Variants in RFLNA observed in about 807,000 individuals in gnomAD.
RFLNA encodes the protein refilin A, also known as refilin-A.
Under a neutral mutation model 7.8 loss-of-function variants are expected in RFLNA, and 5 were observed. The ratio of observed to expected loss-of-function variants is 0.64; its 90% CI spans 0.34 to 1.35. The LOEUF (loss-of-function observed/expected upper bound fraction) is 1.35, where lower values mean the gene tolerates loss of function less well. Among genes scored for constraint, RFLNA ranks in the 40% most tolerant of loss-of-function variants. The pLI is 0.04. For missense variants in RFLNA, 278 were observed against 305.5 expected (o/e 0.91, Z 0.67); for synonymous variants, 141 against 131.3 (o/e 1.07, Z -0.50).
At chr12:124,304,095 C>T (rs2034096319) in intron 1 of RFLNA, among the ~76,000 whole-genome samples, 1 of 152,254 alleles carries the variant, frequency 6.6e-6, no homozygotes, top group South Asian at 2.1e-4. Context: ...AGGCACTTCC[C>T]TTGCCCACTC....
At chr12:124,290,610 G>A (rs1360475465), upstream of RFLNA, among the ~76,000 whole-genome samples, 1 of 152,136 alleles carries the variant, frequency 6.6e-6, no homozygotes, top group Non-Finnish European at 1.5e-5. This position sits in a 1 kb window ranked among gnomAD's most constrained non-coding sequence, Gnocchi z 4.0. Context: ...GTGCATATGT[G>A]TTTATGTGCA....
At chr12:124,301,567 A>G (rs1295314356) in intron 1 of RFLNA, among the ~76,000 whole-genome samples, 1 of 152,190 alleles carries the variant, frequency 6.6e-6, no homozygotes, top group African/African-American at 2.4e-5. Flanking sequence ...TAGGATGCAC[A>G]GGAATCCAGA....
At chr12:124,291,411 C>G (rs543616054), upstream of RFLNA, among the ~76,000 whole-genome samples, 3 of 152,178 alleles carry the variant, frequency 2.0e-5, no homozygotes, top group East Asian at 5.8e-4. Context: ...TGCACCACCA[C>G]ACCTGGCTAA....
intron 1 of RFLNA, among the ~76,000 whole-genome samples, chr12:124,303,886 C>T (rs376009241): frequency 2.6e-5 from 4 of 152,164 alleles, no homozygotes; most frequent in Non-Finnish European, 4.4e-5. Context: ...GGGGGCTTCC[C>T]GTGCCCAAGG....
chr12:124,298,656 A>C (rs548590481), intron 1 of RFLNA, among the ~76,000 whole-genome samples: 134 of 152,308 alleles, frequency 8.8e-4, no homozygotes, highest in Non-Finnish European at 1.5e-3. Flanking sequence ...CTGGCATCCT[A>C]GCGGAAGAGA....
rs763653764 is a variant in RFLNA, at chr12:124,314,314, G to A, written c.440G>A (p.Arg147His). The A allele has an allele frequency of 9.9e-6, 16 of 1,613,264 alleles. No homozygotes were observed. The highest frequency in any genetic ancestry group is 1.7e-5 in the Admixed American group (1 of 60,002). The change falls in exon 3 of 3, where the codon CGC (arginine) becomes CAC (histidine). Residue 147 changes from arginine (R) to histidine (H), a missense_variant. Arg to His is a conservative substitution (Grantham distance 29, BLOSUM62 0). Transcript: ENST00000546355. ...TIVAAPNCTW[R>H]NYRSQLTLEP... Reference sequence around the variant, plus strand: ...GTGGCAGCACCCAACTGCACGTGGCGCAACTACCGCAGCCAGCTGACCCTG... The same window carrying A: ...GTGGCAGCACCCAACTGCACGTGGCACAACTACCGCAGCCAGCTGACCCTG...
In RFLNA at chr12:124,296,186, TTTCTTTTC is replaced by T. The variant is rs2033923137; in HGVS notation, c.207+553_207+560del. 8.7e-5 allele frequency among the ~76,000 whole-genome samples: 2 copies of T among 22,942 alleles called. 1 individual carries two copies. The allele number at this position is 22,942 out of a possible 152,430, so 15.1% of individuals were successfully genotyped here. A position where few individuals can be genotyped will look rare whatever the true frequency, so the allele number is the denominator to read the frequency against. On this transcript the variant is annotated intron_variant, in intron 1 of 2. Coordinates refer to ENST00000546355, the MANE Select transcript of RFLNA (RefSeq NM_001365156.1). Reference sequence around the variant, plus strand: ...CTTCTCTTCTCTTCTCTTCTCTTCTTTTCTTTTCTTTTCTTTTTTTTAAATAACCAAAC... The same window carrying T: ...CTTCTCTTCTCTTCTCTTCTCTTCTTTTTTCTTTTTTTTAAATAACCAAAC...
chr12:124,308,412 T>TTTAGGA (rs2034175111), intron 1 of RFLNA, among the ~76,000 whole-genome samples: 2 of 151,918 alleles, frequency 1.3e-5, no homozygotes, highest in Admixed American at 1.3e-4. Context: ...GTCCACAGGG[T>TTTAGGA]CTGCGTGGAC....
At chr12:124,300,847 GA>G (rs1317049845) in intron 1 of RFLNA, among the ~76,000 whole-genome samples, 14 of 150,540 alleles carry the variant, frequency 9.3e-5, no homozygotes, top group Middle Eastern at 3.4e-3. Flanking sequence ...TGGATGGACA[GA>G]AGAATGGGTG....
chr12:124,311,963 G>C, intron 2 of RFLNA, 36 bp downstream of exon 2: 1 of 1,517,260 alleles, frequency 6.6e-7, no homozygotes, highest in Non-Finnish European at 8.9e-7. Flanking sequence ...GGGAGGAGGG[G>C]GTGGGGGGTT....
upstream of RFLNA, among the ~76,000 whole-genome samples, chr12:124,290,451 T>G (rs75445854): frequency 0.041 from 6,260 of 152,280 alleles, 220 homozygotes; most frequent in East Asian, 0.14. This position sits in a 1 kb window ranked among gnomAD's most constrained non-coding sequence, Gnocchi z 4.0. Context: ...TGTATGTGTA[T>G]ATATGTATTT....
chr12:124,304,403 C>A (rs1360918278), intron 1 of RFLNA, among the ~76,000 whole-genome samples: 1 of 150,722 alleles, frequency 6.6e-6, no homozygotes, highest in African/African-American at 2.5e-5. Context: ...TTCAGCGGGA[C>A]CCTTTGGCAA....
rs1263671980 is a variant in RFLNA, at chr12:124,296,139, T to TTCTTCTCTTCTCTTC, written c.207+535_207+549dup. ...TTCTTTCTTTCTCTCTCTCTCTCTC[T>TTCTTCTCTTCTCTTC]TCTTCTCTTCTCTTCTCTTCTCTTC... On this transcript the variant is annotated intron_variant, in intron 1 of 2. Transcript: ENST00000546355. 5.4e-3 allele frequency among the ~76,000 whole-genome samples: 8 copies of TTCTTCTCTTCTCTTC among 1,470 alleles called. 4 individuals are homozygous for TTCTTCTCTTCTCTTC. The highest frequency in any genetic ancestry group is 6.4e-3 in the African/African-American group (8 of 1,252). The allele number at this position is 1,470 out of a possible 152,430, so 1.0% of individuals were successfully genotyped here.
rs920312435 is a variant in RFLNA at position 124,315,449 on chromosome 12, C to G, written c.*924C>G. 3.3e-5 allele frequency: 5 copies of G among 152,300 alleles called. No individual in the cohort carries two copies. The highest frequency in any genetic ancestry group is 7.3e-5 in the Non-Finnish European group (5 of 68,108). The allele number at this position is 152,300 out of a possible 1,614,324, so 9.4% of individuals were successfully genotyped here. On this transcript the variant is annotated 3_prime_UTR_variant, in exon 3 of 3. Transcript: ENST00000546355. ...CTCGAGGGAGTCGGAGCTCAGCTGTCGGTTTAAAGAGACACTGAGGGGACC... is the reference window on the plus strand; with the variant it reads ...CTCGAGGGAGTCGGAGCTCAGCTGTGGGTTTAAAGAGACACTGAGGGGACC...
upstream of RFLNA, among the ~76,000 whole-genome samples, chr12:124,292,590 G>A (rs6488929): frequency 0.15 from 23,562 of 152,244 alleles, 2,245 homozygotes; most frequent in East Asian, 0.45. Context: ...GGTCACTGGG[G>A]CCATCAGTGT....
At chr12:124,308,360 C>G (rs1228257420) in intron 1 of RFLNA, among the ~76,000 whole-genome samples, 2 of 152,192 alleles carry the variant, frequency 1.3e-5, no homozygotes, top group African/African-American at 4.8e-5. Flanking sequence ...ATCTCAGGAG[C>G]CTCAATTCCA....
In RFLNA at chr12:124,295,393, G is replaced by A; in HGVS notation, c.-37G>A. 1.7e-6 allele frequency: 2 copies of A among 1,172,106 alleles called. No homozygotes were observed. The highest frequency in any genetic ancestry group is 2.1e-6 in the Non-Finnish European group (2 of 935,276). 72.6% of individuals were successfully genotyped at this position (1,172,106 alleles called of 1,614,324 possible). On this transcript the variant is annotated 5_prime_UTR_variant, in exon 1 of 3. Coordinates refer to ENST00000546355, the MANE Select transcript of RFLNA (RefSeq NM_001365156.1). ...CCCGGAGCGCGGTGGAGAAGCCCCC[G>A]GAGGAGCGGGGGGCCCGCGCCCCGC...
At chr12:124,297,925 G>A (rs1400179141) in intron 1 of RFLNA, among the ~76,000 whole-genome samples, 1 of 152,182 alleles carries the variant, frequency 6.6e-6, no homozygotes, top group Non-Finnish European at 1.5e-5. Flanking sequence ...GACGACTCAG[G>A]GAGAGTGCTT....
rs374395268 is a variant in RFLNA, at chr12:124,311,843, C to T, written c.233C>T (p.Pro78Leu). 2.9e-5 allele frequency: 46 copies of T among 1,597,992 alleles called. No homozygotes were observed. Among genetic ancestry groups the T allele is most frequent in the Middle Eastern group, 1.7e-4 (1 of 6,006 alleles). Residue 78 changes from proline (P) to leucine (L), a missense_variant, in exon 2 of 3, where the codon CCG (proline) becomes CTG (leucine). Pro to Leu is a moderately conservative substitution (Grantham distance 98). Transcript: ENST00000546355. Reference protein sequence around the residue: ...RAPPSQLPNPPASEMRPRMLP... With the variant: ...RAPPSQLPNPLASEMRPRMLP... ...CCCCCCTCCCAACTCCCAAATCCCCCGGCGTCGGAGATGAGGCCCCGGATG... is the reference window on the plus strand; with the variant it reads ...CCCCCCTCCCAACTCCCAAATCCCCTGGCGTCGGAGATGAGGCCCCGGATG...
Sources: allele counts gnomAD v4.1 joint callset (sites outside exome capture counted in the v4.1 genomes callset), GRCh38; gene constraint gnomAD v4.1.1; non-coding constraint Gnocchi (gnomAD v3.1); transcripts MANE v1.5; gene names NCBI Gene and HGNC (gene_info 2026-07-23, HGNC 2026-07-21).